The following FOXP2 variants were observed in gnomAD, a reference collection of about 807,000 sequenced individuals.
The protein encoded by FOXP2 is forkhead box P2.
Under a neutral mutation model 115.8 loss-of-function variants are expected in FOXP2, and 12 were observed. That is an observed-to-expected ratio of 0.10 (90% CI 0.07 to 0.17). The LOEUF (loss-of-function observed/expected upper bound fraction) is 0.17, where lower values mean the gene tolerates loss of function less well. Ranked by LOEUF, FOXP2 falls within the 10% of genes least tolerant of loss-of-function variation. FOXP2 has a pLI of 1.00. For synonymous variants in FOXP2, 328 were observed against 297.7 expected (o/e 1.10, Z -1.05); for missense variants, 629 against 843.5 (o/e 0.75, Z 3.15).
At chr7:114,245,880 A>G (rs1795271920) in intron 1 of FOXP2, among the ~76,000 whole-genome samples, 2 of 152,082 alleles carry the variant, frequency 1.3e-5, no homozygotes, top group African/African-American at 2.4e-5. Flanking sequence ...TCTGAAATAC[A>G]TTTGTACGAA....
chr7:114,362,419 G>A (rs1465083), intron 2 of FOXP2, among the ~76,000 whole-genome samples: 144,914 of 152,116 alleles, frequency 0.95, 69,336 homozygotes, highest in East Asian at 1. Context: ...AAAACAAAAA[G>A]CAAAAAACAA....
At chr7:114,568,953 T>C (rs950211197) in intron 3 of FOXP2, among the ~76,000 whole-genome samples, 1 of 152,116 alleles carries the variant, frequency 6.6e-6, no homozygotes, top group African/African-American at 2.4e-5. Flanking sequence ...CAAATTATGA[T>C]ATTTTATTTA....
Position 114,551,765 on chromosome 7 carries a change from A to C in FOXP2, c.258+17059A>C, listed in dbSNP as rs1800220989. On this transcript the variant is annotated intron_variant, in intron 3 of 16. Coordinates refer to ENST00000350908, the MANE Select transcript of FOXP2 (RefSeq NM_014491.4). Reference sequence around the variant, plus strand: ...ACATTAAAAAGATTATCATGCTAAGAGTGGCAGGTATTTATTTTTCTTCAT... The same window carrying C: ...ACATTAAAAAGATTATCATGCTAAGCGTGGCAGGTATTTATTTTTCTTCAT... Among the ~76,000 whole-genome samples the C allele has an allele frequency of 2.0e-5, 3 of 152,206 alleles. No individual in the cohort carries two copies. The South Asian group carries it at 6.2e-4, about 31-fold the overall frequency.
chr7:114,435,050 C>T (rs975631691), intron 2 of FOXP2, among the ~76,000 whole-genome samples: 8 of 152,238 alleles, frequency 5.3e-5, no homozygotes, highest in South Asian at 2.1e-4. Context: ...GCTTCCATAA[C>T]GGAAGTTGCC....
At chr7:114,519,428 C>T (rs1798505017) in intron 2 of FOXP2, among the ~76,000 whole-genome samples, 1 of 152,020 alleles carries the variant, frequency 6.6e-6, no homozygotes, top group Non-Finnish European at 1.5e-5. Flanking sequence ...GAGTTTCTGC[C>T]AGAGGATTCT....
At chr7:114,647,220 A>G (rs1434499005) in intron 8 of FOXP2, among the ~76,000 whole-genome samples, 1 of 151,888 alleles carries the variant, frequency 6.6e-6, no homozygotes, top group African/African-American at 2.4e-5. Flanking sequence ...ATTAAAAAGA[A>G]TAATAGAAAA....
At chr7:114,139,113 C>G (rs1296505082) in intron 1 of FOXP2, among the ~76,000 whole-genome samples, 1 of 152,090 alleles carries the variant, frequency 6.6e-6, no homozygotes, top group African/African-American at 2.4e-5. Flanking sequence ...ATAGCTAACA[C>G]TATGCAGAGC....
At chr7:114,301,953 A>G (rs1261937217) in intron 2 of FOXP2, among the ~76,000 whole-genome samples, 3 of 152,168 alleles carry the variant, frequency 2.0e-5, no homozygotes, top group Admixed American at 6.6e-5. Context: ...ACCCATCACT[A>G]TATGACAACA....
chr7:114,114,456 A>C (rs1380418791), intron 1 of FOXP2, among the ~76,000 whole-genome samples: 1 of 152,048 alleles, frequency 6.6e-6, no homozygotes, highest in African/African-American at 2.4e-5. Context: ...TCTTCCTGTG[A>C]AATTAAAAGA....
chr7:114,105,754 A>G (rs1224554671), intron 1 of FOXP2, among the ~76,000 whole-genome samples: 1 of 152,048 alleles, frequency 6.6e-6, no homozygotes, highest in Non-Finnish European at 1.5e-5. Context: ...ATTTTATAAG[A>G]TGGCTGACGA....
chr7:114,294,911 T>TACATACATAC (rs1273657145), intron 2 of FOXP2, among the ~76,000 whole-genome samples: 31 of 151,298 alleles, frequency 2.0e-4, no homozygotes, highest in African/African-American at 3.2e-4. Flanking sequence ...TGCATGCATA[T>TACATACATAC]ATACATACAT....
intron 6 of FOXP2, among the ~76,000 whole-genome samples, chr7:114,641,062 T>C (rs1267866940): frequency 6.6e-6 from 1 of 152,194 alleles, no homozygotes. Context: ...AGTATTTTAA[T>C]AGCAAATATA....
intron 3 of FOXP2, among the ~76,000 whole-genome samples, chr7:114,588,972 A>G (rs1350937573): frequency 2.0e-5 from 3 of 152,174 alleles, no homozygotes; most frequent in Admixed American, 6.5e-5. Context: ...TGCTAATTCT[A>G]TTAAGTTCTT....
At chr7:114,666,933 G>A (rs1018028818) in intron 16 of FOXP2, 1 of 152,178 alleles carries the variant, frequency 6.6e-6, no homozygotes, top group Non-Finnish European at 1.5e-5. Context: ...TCATAGTGCT[G>A]TGTAAATAGG....
chr7:114,428,487 ATGTAT>A (rs1793969218), intron 2 of FOXP2, among the ~76,000 whole-genome samples: 1 of 151,558 alleles, frequency 6.6e-6, no homozygotes, highest in South Asian at 2.1e-4. Context: ...AACTTCAGTC[ATGTAT>A]TGTATGTCTG....
At chr7:114,275,342 G>C (rs1213471402) in intron 1 of FOXP2, among the ~76,000 whole-genome samples, 2 of 151,976 alleles carry the variant, frequency 1.3e-5, no homozygotes, top group African/African-American at 4.8e-5. Context: ...ACTCTGTTTT[G>C]TTTTCTTTAA....
chr7:114,203,277 CT>C (rs1794118552), intron 1 of FOXP2, among the ~76,000 whole-genome samples: 1 of 152,118 alleles, frequency 6.6e-6, no homozygotes, highest in African/African-American at 2.4e-5. Flanking sequence ...TACCTATATT[CT>C]GTACAATCCA....
At chr7:114,590,101 G>C (rs1403542477) in intron 3 of FOXP2, among the ~76,000 whole-genome samples, 1 of 152,016 alleles carries the variant, frequency 6.6e-6, no homozygotes, top group Non-Finnish European at 1.5e-5. Flanking sequence ...TGCATACACT[G>C]ATGCCACATT....
intron 16 of FOXP2, chr7:114,668,197 T>TA (rs1327705595): frequency 6.6e-6 from 1 of 152,114 alleles, no homozygotes; most frequent in Non-Finnish European, 1.5e-5. Flanking sequence ...TCCATTATAG[T>TA]AAAATTCTAC....
Sources: gnomAD v4.1 joint callset for allele counts (sites outside exome capture counted in the v4.1 genomes callset) on GRCh38, gnomAD v4.1.1 for gene constraint, MANE v1.5 for transcripts, NCBI Gene and HGNC (gene_info 2026-07-23, HGNC 2026-07-21) for gene names.